The following SOX5 variants were observed in gnomAD, a reference collection of about 807,000 sequenced individuals.
The protein encoded by SOX5 is SRY-box transcription factor 5.
A neutral mutation model predicts 92.0 loss-of-function variants in SOX5; 9 were observed. The ratio of observed to expected loss-of-function variants is 0.10; its 90% CI spans 0.06 to 0.17. The LOEUF (loss-of-function observed/expected upper bound fraction) is 0.17, where lower values mean the gene tolerates loss of function less well. SOX5 is among the 10% of genes least tolerant of loss of function. The pLI is 1.00. For missense variants in SOX5, 642 were observed against 944.5 expected (o/e 0.68, Z 4.20); for synonymous variants, 344 against 336.3 (o/e 1.02, Z -0.25).
chr12:24,461,071 T>C (rs1396480449), intron 1 of SOX5, among the ~76,000 whole-genome samples: 3 of 152,222 alleles, frequency 2.0e-5, no homozygotes, highest in Admixed American at 6.5e-5. Flanking sequence ...TATTTATGTA[T>C]GTTTGGCCTG....
intron 2 of SOX5, among the ~76,000 whole-genome samples, chr12:24,294,145 ATGTATCCATC>A (rs894192211): frequency 1.3e-5 from 2 of 152,184 alleles, no homozygotes; most frequent in African/African-American, 4.8e-5. Context: ...ATTAGATCAA[ATGTATCCATC>A]TGTTCGCCTT....
chr12:24,140,461 TAA>T (rs935694864), intron 4 of SOX5, among the ~76,000 whole-genome samples: 82 of 152,328 alleles, frequency 5.4e-4, no homozygotes, highest in African/African-American at 1.9e-3. Flanking sequence ...CCATTATAAG[TAA>T]AGACTATGGT....
chr12:24,187,802 C>A (rs984213731), intron 4 of SOX5, among the ~76,000 whole-genome samples: 1 of 152,172 alleles, frequency 6.6e-6, no homozygotes, highest in African/African-American at 2.4e-5. Context: ...CTCAGTCATT[C>A]GTCCAAAATT....
At chr12:23,602,267 A>T (rs1253616070) in intron 9 of SOX5, among the ~76,000 whole-genome samples, 1 of 152,166 alleles carries the variant, frequency 6.6e-6, no homozygotes, top group African/African-American at 2.4e-5. Flanking sequence ...CTTTTGCACA[A>T]AGTCTATGAG....
intron 9 of SOX5, chr12:23,584,603 C>G (rs753438340): frequency 1.2e-6 from 2 of 1,607,420 alleles, no homozygotes; most frequent in South Asian, 2.2e-5. Flanking sequence ...CCCACTATAA[C>G]TGACTGTTTA....
intron 1 of SOX5, among the ~76,000 whole-genome samples, chr12:24,542,215 T>G (rs1297569992): frequency 1.3e-5 from 2 of 152,206 alleles, no homozygotes; most frequent in Admixed American, 6.5e-5. Flanking sequence ...TCTTGATCCC[T>G]TAACAGTCCA....
At chr12:23,767,876 T>C (rs1435827339) in intron 3 of SOX5, among the ~76,000 whole-genome samples, 1 of 152,046 alleles carries the variant, frequency 6.6e-6, no homozygotes, top group African/African-American at 2.4e-5. Flanking sequence ...TGTAGATTTA[T>C]ATCACCTAAA....
intron 6 of SOX5, among the ~76,000 whole-genome samples, chr12:23,716,559 A>G (rs988846134): frequency 6.6e-6 from 1 of 152,214 alleles, no homozygotes; most frequent in Non-Finnish European, 1.5e-5. Context: ...CACCAACAAG[A>G]AATTTTTAAA....
intron 4 of SOX5, among the ~76,000 whole-genome samples, chr12:23,971,140 T>G (rs1370837597): frequency 7.7e-6 from 1 of 130,410 alleles, no homozygotes; most frequent in Non-Finnish European, 1.7e-5. Context: ...TTTTTTTTTT[T>G]GAGAGGGAGT....
rs1215193488 is a variant in SOX5 at position 23,563,344 on chromosome 12, C to T, written c.1402G>A (p.Glu468Lys). 2 of 1,613,898 alleles carry T rather than the reference C, an allele frequency of 1.2e-6. No homozygotes were observed. Among genetic ancestry groups the T allele is most frequent in the Non-Finnish European group, 1.7e-6 (2 of 1,179,930 alleles). Residue 468 changes from glutamate to lysine, a missense_variant, in exon 11 of 15, where the codon GAG becomes AAG. Physicochemically the swap from Glu to Lys is moderately conservative, Grantham distance 56 (BLOSUM62 1). This residue lies in a region of SOX5 where 324 missense variants were observed against 461.6 expected (regional missense o/e 0.70). Transcript: ENST00000451604. The stretch of plus-strand genomic sequence containing the variant: ...ACCTGTTGTTCCCGTCGGAGTTGCT[C>T]CTTCATTTGCCGAGCTTCTTGGATT... ...KAIQEARQMK[E>K]QLRREQQVLD...
intron 7 of SOX5, among the ~76,000 whole-genome samples, chr12:23,643,639 A>T (rs147834193): frequency 6.6e-6 from 1 of 152,344 alleles, no homozygotes; most frequent in East Asian, 1.9e-4. Flanking sequence ...AGCAGAAGAG[A>T]CTGAGAAGAA....
At chr12:24,123,513 T>TACTTACA (rs796231231) in intron 4 of SOX5, among the ~76,000 whole-genome samples, 41 of 152,322 alleles carry the variant, frequency 2.7e-4, no homozygotes, top group African/African-American at 9.4e-4. Context: ...CATTAAAGCT[T>TACTTACA]ACTTACAGGC....
rs56082162 is a variant in SOX5, at chr12:24,440,594, TTGTGTGTGTGTGTG to T, written c.-250-71969_-250-71956del. Among the ~76,000 whole-genome samples the T allele has an allele frequency of 6.5e-4, 91 of 139,726 alleles. 1 individual carries two copies. The highest frequency in any genetic ancestry group is 6.5e-4 in the East Asian group (3 of 4,606). 91.7% of individuals were successfully genotyped at this position (139,726 alleles called of 152,430 possible). On this transcript the variant is annotated intron_variant, in intron 1 of 4. Transcript: ENST00000446891. ...TGTGGCATCCCATTCACATGATCCTTTGTGTGTGTGTGTGTGTGTGTGTGTGTGTGTGTGTGTGT... is the reference window on the plus strand; with the variant it reads ...TGTGGCATCCCATTCACATGATCCTTTGTGTGTGTGTGTGTGTGTGTGTGT...
intron 3 of SOX5, among the ~76,000 whole-genome samples, chr12:24,246,601 T>A (rs1440082966): frequency 1.3e-5 from 2 of 152,150 alleles, no homozygotes; most frequent in African/African-American, 4.8e-5. Flanking sequence ...GGAAAGTGCT[T>A]AAAGCTTAAA....
intron 1 of SOX5, among the ~76,000 whole-genome samples, chr12:24,438,093 T>C (rs1939795271): frequency 6.6e-6 from 1 of 152,210 alleles, no homozygotes; most frequent in African/African-American, 2.4e-5. Flanking sequence ...CATGGAATAC[T>C]ATGCAGCCAT....
chr12:23,541,676 T>C (rs1451363398), intron 13 of SOX5, among the ~76,000 whole-genome samples: 1 of 152,226 alleles, frequency 6.6e-6, no homozygotes, highest in Admixed American at 6.5e-5. Context: ...CTGAAAGCTT[T>C]GCATGTTCAT....
chr12:24,107,750 A>C (rs1356100696), intron 4 of SOX5, among the ~76,000 whole-genome samples: 1 of 152,216 alleles, frequency 6.6e-6, no homozygotes, highest in African/African-American at 2.4e-5. Context: ...GAAAACAATC[A>C]ATGTGTTGAT....
At chr12:24,313,454 T>C (rs925123145) in intron 2 of SOX5, among the ~76,000 whole-genome samples, 6 of 152,098 alleles carry the variant, frequency 3.9e-5, no homozygotes, top group African/African-American at 1.4e-4. Context: ...CACTTGAGCC[T>C]AGCAGATCAA....
chr12:24,423,158 A>G (rs1312867301), intron 1 of SOX5, among the ~76,000 whole-genome samples: 1 of 152,216 alleles, frequency 6.6e-6, no homozygotes, highest in African/African-American at 2.4e-5. Flanking sequence ...TTCCCTACTA[A>G]ACAGAGAAAG....
Sources: allele counts gnomAD v4.1 joint callset (sites outside exome capture counted in the v4.1 genomes callset), GRCh38; gene constraint gnomAD v4.1.1; regional missense constraint gnomAD v4.1.1; transcripts MANE v1.5; gene names NCBI Gene and HGNC (gene_info 2026-07-23, HGNC 2026-07-21).